The following KIF26B variants were observed in gnomAD, a reference collection of about 807,000 sequenced individuals.
The protein encoded by KIF26B is kinesin family member 26B.
Under a neutral mutation model 151.2 loss-of-function variants are expected in KIF26B, and 63 were observed. The ratio of observed to expected loss-of-function variants is 0.42; its 90% CI spans 0.34 to 0.51. The LOEUF (loss-of-function observed/expected upper bound fraction) is 0.51. Among genes scored for constraint, KIF26B ranks in the 20% least tolerant of loss-of-function variants. The pLI, the probability that KIF26B is intolerant of heterozygous loss-of-function variation, is 0.07. For synonymous variants in KIF26B, 1,357 were observed against 1,262.1 expected, an observed-to-expected ratio of 1.08 and a Z score of -1.59; for missense variants, 2,813 against 2,913.6, an observed-to-expected ratio of 0.97 and a Z score of 0.79.
chr1:245,601,349 G>A lies in KIF26B; in HGVS notation c.1351-1228G>A, dbSNP rs555061162. Reference sequence around the variant, plus strand: ...TCCTCATCGCTCAGCAGAGAGAGTCGAGATTGGCAGGAGGATCTCCGTCTT... The same window carrying A: ...TCCTCATCGCTCAGCAGAGAGAGTCAAGATTGGCAGGAGGATCTCCGTCTT... On this transcript the variant is annotated intron_variant, in intron 5 of 14. Transcript: ENST00000407071. This position sits in a 1 kb window ranked among gnomAD's most constrained non-coding sequence, Gnocchi z 4.4. Among the ~76,000 whole-genome samples, 18 of 152,314 alleles carry A rather than the reference G, an allele frequency of 1.2e-4. No individual in the cohort carries two copies. The South Asian group carries it at 2.3e-3, about 19-fold the overall frequency.
chr1:245,336,673 T>G (rs1672240596), intron 2 of KIF26B, among the ~76,000 whole-genome samples: 1 of 152,234 alleles, frequency 6.6e-6, no homozygotes, highest in Admixed American at 6.5e-5. Context: ...TTCCTGCTTT[T>G]TCCTATACAT....
chr1:245,588,479 C>T (rs1270980220), intron 5 of KIF26B, among the ~76,000 whole-genome samples: 1 of 152,172 alleles, frequency 6.6e-6, no homozygotes, highest in Non-Finnish European at 1.5e-5. Context: ...TTGCTCCTTT[C>T]CTCCAGCTGG....
chr1:245,168,765 C>G (rs574636198), intron 2 of KIF26B, among the ~76,000 whole-genome samples: 2 of 152,260 alleles, frequency 1.3e-5, no homozygotes, highest in African/African-American at 4.8e-5. Flanking sequence ...CCAGTATTTA[C>G]ATATCACATG....
chr1:245,602,816 C>T lies in KIF26B; in HGVS notation c.1557+33C>T, dbSNP rs750790045. The T allele has an allele frequency of 3.2e-5, 52 of 1,602,696 alleles. No homozygotes were observed. The highest frequency in any genetic ancestry group is 6.7e-5 in the Admixed American group (4 of 59,968). ...TCAGCCCCCTCTCAGGCTCAGGCAA[C>T]GTTGATGAAAGGGCAACGTTTACTC... is the stretch of plus-strand genomic sequence containing the variant. On this transcript the variant is annotated intron_variant, in intron 6 of 14. Coordinates refer to ENST00000407071, the MANE Select transcript of KIF26B (RefSeq NM_018012.4). This position sits in a 1 kb window ranked among gnomAD's most constrained non-coding sequence, Gnocchi z 4.5.
At chr1:245,366,332 A>G (rs1203329047) in intron 2 of KIF26B, among the ~76,000 whole-genome samples, 7 of 152,036 alleles carry the variant, frequency 4.6e-5, no homozygotes. Flanking sequence ...GGAGATTGAG[A>G]CCATCCTGTC....
chr1:245,288,063 A>G (rs1344639650), intron 2 of KIF26B, among the ~76,000 whole-genome samples: 2 of 151,650 alleles, frequency 1.3e-5, no homozygotes, highest in Admixed American at 6.6e-5. Context: ...TTTTTTTCAT[A>G]TTTTCTTACA....
intron 9 of KIF26B, among the ~76,000 whole-genome samples, chr1:245,613,414 C>T (rs578013509): frequency 7.2e-5 from 11 of 152,108 alleles, no homozygotes; most frequent in African/African-American, 2.6e-4. Context: ...ACCAGCCTGG[C>T]CAACATGGAG....
intron 5 of KIF26B, among the ~76,000 whole-genome samples, chr1:245,546,686 C>A (rs575010723): frequency 6.6e-6 from 1 of 152,354 alleles, no homozygotes; most frequent in African/African-American, 2.4e-5. Flanking sequence ...CTCACAACTT[C>A]ATTCTTAAAC....
chr1:245,642,931 G>A, intron 9 of KIF26B, among the ~76,000 whole-genome samples: 1 of 152,178 alleles, frequency 6.6e-6, no homozygotes, highest in East Asian at 1.9e-4. Context: ...TGCATCAATA[G>A]GATAGTTCCA....
chr1:245,557,369 T>C (rs1269493967), intron 5 of KIF26B, among the ~76,000 whole-genome samples: 1 of 152,198 alleles, frequency 6.6e-6, no homozygotes, highest in Non-Finnish European at 1.5e-5. Context: ...TCCTCTGCCG[T>C]CGTCGCAGCC....
Position 245,352,777 on chromosome 1 carries a change from G to A in KIF26B, c.466-14057G>A, listed in dbSNP as rs151325781. ...ACTCCTGAGCCTGTCTTACTAGTAC[G>A]GGTTCCCCAACCCCACGACTAGAAC... On this transcript the variant is annotated intron_variant, in intron 2 of 14. Transcript: ENST00000407071. The surrounding 1 kb of genome is among the most constrained non-coding windows in gnomAD (Gnocchi z 5.0). Among the ~76,000 whole-genome samples, 5 of 152,010 alleles carry A rather than the reference G, an allele frequency of 3.3e-5. No homozygotes were observed. The highest frequency in any genetic ancestry group is 9.7e-5 in the African/African-American group (4 of 41,388).
chr1:245,702,426 T>TGCGTCTCCATCAG lies in KIF26B; in HGVS notation c.6179-29_6179-17dup. 6.2e-7 allele frequency: 1 copy of TGCGTCTCCATCAG among 1,612,710 alleles called. No individual in the cohort carries two copies. The highest frequency in any genetic ancestry group is 8.5e-7 in the Non-Finnish European group (1 of 1,178,998). The stretch of plus-strand genomic sequence containing the variant: ...GAGTTGCTTCTCACCCTGTTTGCTC[T>TGCGTCTCCATCAG]GCGTCTCCATCAGGCTCTTCCTCTC... On this transcript the variant is annotated intron_variant, in intron 14 of 14. Coordinates refer to ENST00000407071, the MANE Select transcript of KIF26B (RefSeq NM_018012.4). The surrounding 1 kb of genome is among the most constrained non-coding windows in gnomAD (Gnocchi z 4.1).
intron 5 of KIF26B, among the ~76,000 whole-genome samples, chr1:245,556,242 CTCCTTCT>C (rs1192866209): frequency 3.5e-5 from 5 of 143,500 alleles, no homozygotes; most frequent in East Asian, 2.0e-4. Context: ...CTTCTTCTTC[CTCCTTCT>C]TCCTCCTTCC....
chr1:245,184,791 G>T (rs1573694827), intron 2 of KIF26B, among the ~76,000 whole-genome samples: 1 of 152,330 alleles, frequency 6.6e-6, no homozygotes, highest in East Asian at 1.9e-4. Flanking sequence ...AGAAAACAGT[G>T]GCTGTGTAAT....
Position 245,540,385 on chromosome 1 carries a change from C to T in KIF26B, c.1167-382C>T, listed in dbSNP as rs1206644365. On this transcript the variant is annotated intron_variant, in intron 4 of 14. Coordinates refer to ENST00000407071, the MANE Select transcript of KIF26B (RefSeq NM_018012.4). This position sits in a 1 kb window ranked among gnomAD's most constrained non-coding sequence, Gnocchi z 4.6. ...AGGTGTTAGAGTTTTTAAATTAGCTCATGAGGTCTCTCGCACCTGAGTTTA... is the reference window on the plus strand; with the variant it reads ...AGGTGTTAGAGTTTTTAAATTAGCTTATGAGGTCTCTCGCACCTGAGTTTA... Among the ~76,000 whole-genome samples, 1 of 152,154 alleles carries T rather than the reference C, an allele frequency of 6.6e-6. No individual in the cohort carries two copies. Among genetic ancestry groups the T allele is most frequent in the Non-Finnish European group, 1.5e-5 (1 of 68,032 alleles).
At chr1:245,515,370 C>T (rs922525427) in intron 4 of KIF26B, among the ~76,000 whole-genome samples, 30 of 152,194 alleles carry the variant, frequency 2.0e-4, no homozygotes, top group African/African-American at 7.0e-4. Flanking sequence ...TCCCACTCGA[C>T]TGTCATCTCT....
chr1:245,317,971 TAAC>T (rs1185178836), intron 2 of KIF26B, among the ~76,000 whole-genome samples: 1 of 152,222 alleles, frequency 6.6e-6, no homozygotes. Context: ...TTCACACTCT[TAAC>T]AAGCTAATGT....
chr1:245,181,264 C>A (rs905477048), intron 2 of KIF26B, among the ~76,000 whole-genome samples: 2 of 152,060 alleles, frequency 1.3e-5, no homozygotes, highest in Non-Finnish European at 2.9e-5. Context: ...GATAAGATTG[C>A]CCCTGTCTTT....
chr1:245,246,735 A>T (rs1416836551), intron 2 of KIF26B, among the ~76,000 whole-genome samples: 1 of 152,190 alleles, frequency 6.6e-6, no homozygotes, highest in Non-Finnish European at 1.5e-5. Context: ...TCATCCTAAG[A>T]CAAAAATCTG....
Sources: gnomAD v4.1 joint callset for allele counts (sites outside exome capture counted in the v4.1 genomes callset) on GRCh38, gnomAD v4.1.1 for gene constraint, Gnocchi (gnomAD v3.1) non-coding constraint, MANE v1.5 for transcripts, NCBI Gene and HGNC (gene_info 2026-07-23, HGNC 2026-07-21) for gene names.